EHMT1: variants seen among roughly 807,000 people sequenced by gnomAD.
The protein encoded by EHMT1 is euchromatic histone lysine methyltransferase 1.
A neutral mutation model predicts 147.2 loss-of-function variants in EHMT1; 15 were observed. The observed-to-expected ratio is 0.10, with a 90% CI of 0.07 to 0.16. EHMT1 has a LOEUF of 0.16. Among genes scored for constraint, EHMT1 ranks in the 10% least tolerant of loss-of-function variants. The pLI is 1.00. For missense variants in EHMT1, 1,587 were observed against 1,772.4 expected (o/e 0.90, Z 1.88); for synonymous variants, 795 against 709.6 (o/e 1.12, Z -1.91).
intron 1 of EHMT1, among the ~76,000 whole-genome samples, chr9:137,664,301 T>C (rs1285936631): frequency 6.6e-6 from 1 of 152,092 alleles, no homozygotes; most frequent in Non-Finnish European, 1.5e-5. Flanking sequence ...TTTTTTTTTT[T>C]TTTCTTTTGA....
intron 4 of EHMT1, among the ~76,000 whole-genome samples, chr9:137,729,150 CCTGAAGA>C (rs1280162209): frequency 7.2e-5 from 11 of 152,096 alleles, no homozygotes; most frequent in Admixed American, 2.0e-4. Context: ...TTGGCGCTGT[CCTGAAGA>C]GATGCAAGGC....
At chr9:137,717,309 G>A in intron 3 of EHMT1, 127 bp downstream of exon 3, 2 of 1,269,624 alleles carry the variant, frequency 1.6e-6, no homozygotes, top group Admixed American at 2.0e-5. Context: ...GGCCTATGAG[G>A]AGCTAGGAGA....
chr9:137,687,481 G>A (rs1428527624), intron 1 of EHMT1, among the ~76,000 whole-genome samples: 1 of 152,166 alleles, frequency 6.6e-6, no homozygotes, highest in East Asian at 1.9e-4. Flanking sequence ...GAGAGTTTAG[G>A]TGGAGGAGTT....
chr9:137,811,445 G>A lies in EHMT1; in HGVS notation c.2713-16G>A. On this transcript the variant is annotated splice_polypyrimidine_tract_variant and intron_variant, in intron 18 of 26. Coordinates refer to ENST00000460843, the MANE Select transcript of EHMT1 (RefSeq NM_024757.5). ...AGCAGGAAGCCTGCACTGAGCTCTG[G>A]CTTGTGTCTGTTCAGGAGGAGAACA... The A allele has an allele frequency of 6.2e-7, 1 of 1,611,950 alleles. No homozygotes were observed. The highest frequency in any genetic ancestry group is 8.5e-7 in the Non-Finnish European group (1 of 1,179,992).
chr9:137,788,287 G>T, intron 15 of EHMT1: 2 of 422,700 alleles, frequency 4.7e-6, no homozygotes, highest in South Asian at 1.4e-4. Context: ...GGTGGCAGAT[G>T]ACCGAGCGGC....
intron 1 of EHMT1, among the ~76,000 whole-genome samples, chr9:137,656,689 T>C (rs1044311686): frequency 6.6e-6 from 1 of 151,366 alleles, no homozygotes; most frequent in African/African-American, 2.4e-5. Context: ...GTGCTGGGCC[T>C]CTCCCTGCTT....
rs533929353 is a variant in EHMT1 at position 137,758,296 on chromosome 9, A to C, written c.1501+285A>C. 4.7e-4 allele frequency among the ~76,000 whole-genome samples: 72 copies of C among 152,326 alleles called. 1 individual carries two copies. The highest frequency in any genetic ancestry group is 1.6e-3 in the African/African-American group (66 of 41,582). ...TCCGTGGGTCAGGCGTGCTCCGTGG[A>C]GGATTGCCCACGGCCAGACGCCCTC... On this transcript the variant is annotated intron_variant, in intron 9 of 26. Coordinates refer to ENST00000460843, the MANE Select transcript of EHMT1 (RefSeq NM_024757.5).
intron 25 of EHMT1, among the ~76,000 whole-genome samples, chr9:137,820,904 G>A (rs1955360435): frequency 6.6e-6 from 1 of 152,238 alleles, no homozygotes; most frequent in African/African-American, 2.4e-5. Flanking sequence ...TTGAGACGGA[G>A]TCTCGCTCTG....
chr9:137,825,145 G>T (rs1481433542), intron 25 of EHMT1, among the ~76,000 whole-genome samples: 1 of 152,180 alleles, frequency 6.6e-6, no homozygotes, highest in African/African-American at 2.4e-5. Flanking sequence ...GCTCCTAGAG[G>T]CAGCTCTCTT....
intron 9 of EHMT1, among the ~76,000 whole-genome samples, chr9:137,761,462 TG>T (rs1217965794): frequency 3.9e-5 from 6 of 152,348 alleles, no homozygotes; most frequent in Admixed American, 3.3e-4. Context: ...CAAGAGTTAA[TG>T]TTTTTTTTTG....
At chr9:137,760,213 T>C (rs571154408) in intron 9 of EHMT1, among the ~76,000 whole-genome samples, 57 of 152,216 alleles carry the variant, frequency 3.7e-4, no homozygotes, top group South Asian at 2.5e-3. Flanking sequence ...CCCTGGTAGT[T>C]CCACTGTGGG....
chr9:137,696,271 G>A (rs1588216608), intron 1 of EHMT1, among the ~76,000 whole-genome samples: 1 of 152,146 alleles, frequency 6.6e-6, no homozygotes, highest in African/African-American at 2.4e-5. Flanking sequence ...TAGGGGGCGG[G>A]TAGAGAGTGC....
intron 1 of EHMT1, among the ~76,000 whole-genome samples, chr9:137,695,355 A>G (rs1943314717): frequency 6.6e-6 from 1 of 152,168 alleles, no homozygotes; most frequent in Admixed American, 6.5e-5. Flanking sequence ...TGCTGGGAGC[A>G]TGGACGGAGC....
chr9:137,715,180 A>G (rs571243935), intron 2 of EHMT1, among the ~76,000 whole-genome samples: 1 of 152,250 alleles, frequency 6.6e-6, no homozygotes, highest in African/African-American at 2.4e-5. Context: ...TGACCCTCAC[A>G]TTGTTCTTTC....
chr9:137,747,018 A>G (rs1437083183), intron 6 of EHMT1: 2 of 152,260 alleles, frequency 1.3e-5, no homozygotes, highest in Non-Finnish European at 2.9e-5. Flanking sequence ...CCTTAACTAG[A>G]TGGGCACTGA....
chr9:137,643,945 C>CAG (rs1844697065), intron 1 of EHMT1, among the ~76,000 whole-genome samples: 1 of 152,194 alleles, frequency 6.6e-6, no homozygotes, highest in Non-Finnish European at 1.5e-5. Context: ...GTTGTCTTCT[C>CAG]ACCCCTGTCT....
chr9:137,791,004 T>C (rs1460440417), intron 16 of EHMT1, 34 bp downstream of exon 16: 1 of 1,614,156 alleles, frequency 6.2e-7, no homozygotes, highest in Non-Finnish European at 8.5e-7. Context: ...CGTCCTAGTG[T>C]GTGTGTAGAC....
intron 22 of EHMT1, chr9:137,814,884 G>T (rs1435831948): frequency 1.2e-5 from 5 of 403,776 alleles, no homozygotes; most frequent in African/African-American, 2.1e-5. Context: ...GTGCTGCCGG[G>T]CTGGGTACAG....
chr9:137,810,298 G>A (rs117748053), intron 18 of EHMT1, among the ~76,000 whole-genome samples: 2,208 of 148,074 alleles, frequency 0.015, 24 homozygotes, highest in Admixed American at 0.024. Flanking sequence ...CGTGAAAGGC[G>A]CTCCTCGCAC....
Sources: allele counts gnomAD v4.1 joint callset (sites outside exome capture counted in the v4.1 genomes callset), GRCh38; gene constraint gnomAD v4.1.1; transcripts MANE v1.5; gene names NCBI Gene and HGNC (gene_info 2026-07-23, HGNC 2026-07-21).